Variants in CAST observed in about 807,000 individuals in gnomAD.
The protein encoded by CAST is MIR583 host.
A neutral mutation model predicts 119.6 loss-of-function variants in CAST; 76 were observed. The ratio of observed to expected loss-of-function variants is 0.64; its 90% CI spans 0.53 to 0.77. The LOEUF (loss-of-function observed/expected upper bound fraction) is 0.77, where lower values mean the gene tolerates loss of function less well. Ranked by LOEUF, CAST falls within the 30% of genes least tolerant of loss-of-function variation. The pLI is 0.00. For synonymous variants in CAST, 319 were observed against 331.6 expected, an observed-to-expected ratio of 0.96 and a Z score of 0.41; for missense variants, 953 against 946.5, an observed-to-expected ratio of 1.01 and a Z score of -0.09.
rs973226509 is a variant in CAST at position 96,605,148 on chromosome 5, A to G, written c.61-70391A>G. On this transcript the variant is annotated intron_variant, in intron 1 of 11. Coordinates refer to the CAST transcript ENST00000505143. Reference sequence around the variant, plus strand: ...AATACAAAACTGAGGAGAAGGATACATTTAGGTTTCCAACACATTGTGTAT... The same window carrying G: ...AATACAAAACTGAGGAGAAGGATACGTTTAGGTTTCCAACACATTGTGTAT... 3.3e-5 allele frequency among the ~76,000 whole-genome samples: 5 copies of G among 152,214 alleles called. No individual in the cohort carries two copies. In the East Asian group the frequency reaches 9.6e-4, roughly 29 times the overall value.
the CAST span, among the ~76,000 whole-genome samples, chr5:96,478,002 A>G: frequency 6.6e-6 from 1 of 152,212 alleles, no homozygotes; most frequent in African/African-American, 2.4e-5. Context: ...CCTGATTCAC[A>G]TGGCTAATTT....
chr5:96,361,271 C>T, the CAST span, among the ~76,000 whole-genome samples: 2 of 152,148 alleles, frequency 1.3e-5, no homozygotes, highest in Admixed American at 6.5e-5. Context: ...CTGGGCTCTG[C>T]GGGGGTGGGG....
chr5:96,252,714 TG>T, the CAST span, among the ~76,000 whole-genome samples: 7 of 152,148 alleles, frequency 4.6e-5, no homozygotes, highest in African/African-American at 1.7e-4. Flanking sequence ...CAACATTAGG[TG>T]AAGTCTATTT....
chr5:96,144,332 T>G, the CAST span, among the ~76,000 whole-genome samples: 2 of 152,218 alleles, frequency 1.3e-5, no homozygotes, highest in Non-Finnish European at 2.9e-5. Flanking sequence ...TTTCAAAGAT[T>G]GAAAGACTGA....
the CAST span, chr5:96,421,958 T>G: frequency 8.4e-7 from 1 of 1,192,724 alleles, no homozygotes; most frequent in Non-Finnish European, 1.2e-6. Flanking sequence ...CTCTGGATCC[T>G]AAAGAGACAA....
the CAST span, among the ~76,000 whole-genome samples, chr5:96,320,075 A>G: frequency 6.6e-6 from 1 of 151,704 alleles, no homozygotes; most frequent in Non-Finnish European, 1.5e-5. Context: ...GCCCTGCTGA[A>G]AAACAAATGT....
the CAST span, among the ~76,000 whole-genome samples, chr5:96,082,820 GA>G: frequency 8.7e-3 from 1,330 of 152,016 alleles, 28 homozygotes; most frequent in African/African-American, 0.031. Context: ...GCTCTCTGTA[GA>G]AAAAAATTAA....
intron 16 of CAST, chr5:96,743,481 C>A (rs1302746789): frequency 1.7e-6 from 2 of 1,162,046 alleles, no homozygotes; most frequent in Non-Finnish European, 2.3e-6. Flanking sequence ...CGCCCCACCT[C>A]CATCAGCTCA....
chr5:96,605,549 A>C (rs1403805806), intron 1 of CAST, among the ~76,000 whole-genome samples: 1 of 152,232 alleles, frequency 6.6e-6, no homozygotes, highest in Non-Finnish European at 1.5e-5. Context: ...TGTTTTAATT[A>C]GATGTATAAA....
chr5:96,694,402 C>G (rs971241349), intron 2 of CAST, among the ~76,000 whole-genome samples: 5 of 152,180 alleles, frequency 3.3e-5, no homozygotes, highest in African/African-American at 7.2e-5. Context: ...CTTTGGGAGG[C>G]TGAGGCAGGC....
the CAST span, among the ~76,000 whole-genome samples, chr5:96,169,013 T>C: frequency 6.6e-6 from 1 of 152,040 alleles, no homozygotes; most frequent in African/African-American, 2.4e-5. Flanking sequence ...TAAGGTCAAG[T>C]TGTTTGCATA....
the CAST span, among the ~76,000 whole-genome samples, chr5:96,499,925 A>G: frequency 2.0e-5 from 3 of 152,112 alleles, no homozygotes; most frequent in South Asian, 2.1e-4. Context: ...TCACTTGAAC[A>G]CTTAGAGGTC....
At chr5:96,274,093 G>A in the CAST span, among the ~76,000 whole-genome samples, 1 of 150,794 alleles carries the variant, frequency 6.6e-6, no homozygotes, top group East Asian at 1.9e-4. Flanking sequence ...ATGAGTTAGA[G>A]CCCCAATTTT....
the CAST span, among the ~76,000 whole-genome samples, chr5:96,462,261 G>A: frequency 6.6e-6 from 1 of 152,066 alleles, no homozygotes; most frequent in East Asian, 1.9e-4. Flanking sequence ...AACCACTTGT[G>A]TTTTGTCTAC....
intron 1 of CAST, among the ~76,000 whole-genome samples, chr5:96,632,309 A>C (rs2150202053): frequency 6.6e-6 from 1 of 151,346 alleles, no homozygotes; most frequent in South Asian, 2.1e-4. Flanking sequence ...TTGTCTTCTC[A>C]CTTTCTTGAC....
At chr5:96,518,326 TTAGC>T in the CAST span, among the ~76,000 whole-genome samples, 1 of 152,192 alleles carries the variant, frequency 6.6e-6, no homozygotes, top group African/African-American at 2.4e-5. Context: ...AAAGAACACA[TTAGC>T]TAGCCAAAAA....
the CAST span, among the ~76,000 whole-genome samples, chr5:96,052,412 T>C: frequency 6.6e-6 from 1 of 152,154 alleles, no homozygotes; most frequent in Admixed American, 6.5e-5. Flanking sequence ...CAGGACAATA[T>C]CTTCATGAGT....
chr5:96,613,663 C>A (rs1747403228), intron 1 of CAST, among the ~76,000 whole-genome samples: 1 of 152,114 alleles, frequency 6.6e-6, no homozygotes, highest in Non-Finnish European at 1.5e-5. Flanking sequence ...GTCTTTAAAG[C>A]ATTTTTAAAT....
chr5:96,252,743 T>C, the CAST span, among the ~76,000 whole-genome samples: 3,576 of 152,284 alleles, frequency 0.023, 129 homozygotes, highest in African/African-American at 0.082. Flanking sequence ...CTTTCAGTAA[T>C]GATAATGTTC....
Sources: gnomAD v4.1 joint callset for allele counts (sites outside exome capture counted in the v4.1 genomes callset) on GRCh38, gnomAD v4.1.1 for gene constraint, MANE v1.5 for transcripts, NCBI Gene and HGNC (gene_info 2026-07-23, HGNC 2026-07-21) for gene names.